Variants in CPLANE1 observed in about 807,000 individuals in gnomAD.
CPLANE1 encodes the protein ciliogenesis and planar polarity effector complex subunit 1, also known as ciliogenesis and planar polarity effector 1.
In CPLANE1, 263 loss-of-function variants were observed where a neutral mutation model predicts 362.5. The ratio of observed to expected loss-of-function variants is 0.73; its 90% CI spans 0.66 to 0.80. The LOEUF (loss-of-function observed/expected upper bound fraction) is 0.80. Ranked by LOEUF, CPLANE1 falls within the 30% of genes least tolerant of loss-of-function variation. CPLANE1 has a pLI of 0.00. For synonymous variants in CPLANE1, 1,212 were observed against 1,302.6 expected (o/e 0.93, Z 1.50); for missense variants, 3,461 against 3,793.4 (o/e 0.91, Z 2.30).
intron 46 of CPLANE1, among the ~76,000 whole-genome samples, chr5:37,137,961 G>C (rs1255104454): frequency 1.3e-5 from 2 of 151,822 alleles, no homozygotes; most frequent in Admixed American, 1.3e-4. Flanking sequence ...TTAAGGCCAA[G>C]CATTTGGTCG....
Position 37,120,277 on chromosome 5 carries a change from T to C in CPLANE1, c.9249A>G (p.Lys3083=). The C allele has an allele frequency of 6.2e-7, 1 of 1,601,404 alleles. No individual in the cohort carries two copies. Among genetic ancestry groups the C allele is most frequent in the Non-Finnish European group, 8.5e-7 (1 of 1,175,724 alleles). The change falls in exon 50 of 53, where the codon AAA becomes AAG. Residue 3083 remains lysine (K), a synonymous_variant. Transcript: ENST00000651892. ...NRPGKVKYMS[K]PSYIHKRKSF... ...ACTTCCTCTTATGGATATAACTCGG[T>C]TTGGACATATATTTGACTTTTCCAG...
At chr5:37,122,393 TAG>T (rs1561318048) in intron 48 of CPLANE1, 35 bp downstream of exon 48, 1 of 1,551,500 alleles carries the variant, frequency 6.4e-7, no homozygotes, top group South Asian at 1.1e-5. Context: ...CTAAGGAAGT[TAG>T]AGAGAAAACA....
chr5:37,185,170 A>C, intron 24 of CPLANE1, 91 bp from the exon 25 acceptor site: 1 of 1,157,278 alleles, frequency 8.6e-7, no homozygotes, highest in Non-Finnish European at 1.2e-6. Flanking sequence ...CCTGGGGACA[A>C]GAAACCTAAC....
At chr5:37,243,393 C>T (rs1170661138) in intron 5 of CPLANE1, among the ~76,000 whole-genome samples, 4 of 151,786 alleles carry the variant, frequency 2.6e-5, no homozygotes, top group Non-Finnish European at 4.4e-5. Context: ...ATTTATTTTT[C>T]TCTTTTTATA....
In CPLANE1 at chr5:37,114,569, T is replaced by C. The variant is rs183364308; in HGVS notation, c.9400+391A>G. On this transcript the variant is annotated intron_variant, in intron 51 of 52. Coordinates refer to ENST00000651892, the MANE Select transcript of CPLANE1 (RefSeq NM_001384732.1). ...GAGCCACACCCTTCATTCTGAAGTC[T>C]ATATTTGAAATGGAGTGATTTATAA... Among the ~76,000 whole-genome samples the C allele has an allele frequency of 7.2e-5, 11 of 152,294 alleles. No individual in the cohort carries two copies. The East Asian group carries it at 2.1e-3, about 29-fold the overall frequency.
rs575236921 is a variant in CPLANE1 at position 37,176,373 on chromosome 5, C to T, written c.5901-387G>A. Among the ~76,000 whole-genome samples, 11 of 152,118 alleles carry T rather than the reference C, an allele frequency of 7.2e-5. No individual in the cohort carries two copies. In the South Asian group the frequency reaches 2.1e-3, roughly 29 times the overall value. The stretch of plus-strand genomic sequence containing the variant: ...TAAAGAGGCTGGGCACGATGGCTCA[C>T]GACTGTAATCCCAGCACTGTGGGAG... On this transcript the variant is annotated intron_variant, in intron 30 of 52. Coordinates refer to ENST00000651892, the MANE Select transcript of CPLANE1 (RefSeq NM_001384732.1).
intron 51 of CPLANE1, among the ~76,000 whole-genome samples, chr5:37,110,764 T>C (rs999183766): frequency 1.3e-5 from 2 of 151,682 alleles, no homozygotes; most frequent in Non-Finnish European, 2.9e-5. Context: ...CCCAAGATGA[T>C]GGAGATGATC....
chr5:37,185,131 A>G, intron 24 of CPLANE1, 52 bp from the exon 25 acceptor site: 2 of 1,519,512 alleles, frequency 1.3e-6, no homozygotes, highest in Non-Finnish European at 1.8e-6. Flanking sequence ...ATTTCAATTC[A>G]AGACATAGGA....
chr5:37,123,299 T>C (rs950589288), intron 47 of CPLANE1, among the ~76,000 whole-genome samples: 6 of 152,194 alleles, frequency 3.9e-5, no homozygotes, highest in Non-Finnish European at 8.8e-5. Context: ...CACACAATTA[T>C]GTATATAAAA....
chr5:37,157,932 C>CAG (rs1221618274), intron 39 of CPLANE1, 64 bp from the exon 40 acceptor site: 18 of 67,844 alleles, frequency 2.7e-4, no homozygotes, highest in Non-Finnish European at 4.1e-4. Context: ...GTCACTCCGC[C>CAG]AAAAAAAAAA....
intron 41 of CPLANE1, among the ~76,000 whole-genome samples, chr5:37,155,710 A>C (rs1774896455): frequency 6.6e-6 from 1 of 152,240 alleles, no homozygotes; most frequent in Admixed American, 6.5e-5. Context: ...AAGTTCCATT[A>C]ACTTACTGCA....
In CPLANE1 at chr5:37,148,199, T is replaced by C. The variant is rs1284994227; in HGVS notation, c.8443A>G (p.Ile2815Val). The C allele has an allele frequency of 1.2e-6, 2 of 1,612,842 alleles. No individual in the cohort carries two copies. The highest frequency in any genetic ancestry group is 2.7e-5 in the African/African-American group (2 of 74,914). ...EFKKTLASKT[I>V]SISEEVRFLT... is the part of the protein sequence containing the mutation. ...TACAAACCTTCTTCAGAAATGCTAA[T>C]GGTTTTTGAAGCTAATGTTTTTTTG... is the stretch of plus-strand genomic sequence containing the variant. Residue 2815 changes from isoleucine (I) to valine (V), a missense_variant, in exon 43 of 53, where the codon ATT becomes GTT. Around this residue, in one of 2 missense-constraint regions of CPLANE1, gnomAD observed 3,380 missense variants for 3,666.1 expected, o/e 0.92. Transcript: ENST00000651892.
chr5:37,187,378 T>C (rs369035090), intron 23 of CPLANE1, 36 bp downstream of exon 23: 1 of 1,520,964 alleles, frequency 6.6e-7, no homozygotes, highest in Non-Finnish European at 8.9e-7. Flanking sequence ...AGTCTCTGAT[T>C]CTGATGTAGT....
chr5:37,231,367 G>A (rs1249600716), intron 8 of CPLANE1, among the ~76,000 whole-genome samples: 1 of 152,138 alleles, frequency 6.6e-6, no homozygotes, highest in Non-Finnish European at 1.5e-5. Context: ...ATCAACTGAG[G>A]TCAGGAGTTC....
At chr5:37,100,341 C>G in the CPLANE1 span, among the ~76,000 whole-genome samples, 2 of 152,166 alleles carry the variant, frequency 1.3e-5, no homozygotes, top group African/African-American at 2.4e-5. Flanking sequence ...AGCCAGTTCT[C>G]CTAGCACCAT....
intron 43 of CPLANE1, among the ~76,000 whole-genome samples, chr5:37,142,932 A>T (rs1770240568): frequency 6.6e-6 from 1 of 152,338 alleles, no homozygotes; most frequent in East Asian, 1.9e-4. Context: ...TGTATCTTAG[A>T]GCACTGAAGG....
intron 21 of CPLANE1, among the ~76,000 whole-genome samples, chr5:37,190,539 T>C (rs1363537646): frequency 3.3e-5 from 5 of 151,992 alleles, no homozygotes; most frequent in African/African-American, 1.2e-4. Context: ...GATCACACTA[T>C]AAAAAGAGAA....
intron 8 of CPLANE1, among the ~76,000 whole-genome samples, chr5:37,232,834 T>G (rs1386129024): frequency 2.3e-5 from 3 of 129,798 alleles, no homozygotes; most frequent in Non-Finnish European, 4.7e-5. Context: ...AACAAGACCT[T>G]GTTGCAAAAA....
At chr5:37,076,001 TG>T in the CPLANE1 span, among the ~76,000 whole-genome samples, 2 of 152,054 alleles carry the variant, frequency 1.3e-5, no homozygotes, top group Admixed American at 1.3e-4. Flanking sequence ...CCCAGCACTT[TG>T]GGAGGCTGAG....
Sources: allele counts gnomAD v4.1 joint callset (sites outside exome capture counted in the v4.1 genomes callset), GRCh38; gene constraint gnomAD v4.1.1; regional missense constraint gnomAD v4.1.1; transcripts MANE v1.5; gene names NCBI Gene and HGNC (gene_info 2026-07-23, HGNC 2026-07-21).